The following PALLD variants were observed in gnomAD, a reference collection of about 807,000 sequenced individuals.
PALLD encodes palladin.
PALLD carries 61 observed loss-of-function variants against 123.5 expected under a neutral mutation model. The ratio of observed to expected loss-of-function variants is 0.49; its 90% confidence interval spans 0.40 to 0.61. The LOEUF is 0.61. Ranked by LOEUF, PALLD falls within the 20% of genes least tolerant of loss-of-function variation. The pLI is 0.00. For synonymous variants in PALLD, 465 were observed against 496.4 expected (o/e 0.94, Z 0.84); for missense variants, 1,273 against 1,377.0 (o/e 0.92, Z 1.20).
chr4:168,753,980 A>C (rs375191084), intron 10 of PALLD, among the ~76,000 whole-genome samples: 38 of 152,362 alleles, frequency 2.5e-4, no homozygotes, highest in African/African-American at 8.7e-4. Context: ...CAACAAGTAC[A>C]TACTATGTAA....
At chr4:168,627,346 C>T (rs1297174643) in intron 2 of PALLD, among the ~76,000 whole-genome samples, 19 of 152,108 alleles carry the variant, frequency 1.2e-4, no homozygotes, top group African/African-American at 4.6e-4. Context: ...CCCATTTCTA[C>T]TAAAAATACA....
chr4:168,897,472 G>T (rs112935285), intron 13 of PALLD, among the ~76,000 whole-genome samples: 1,857 of 152,112 alleles, frequency 0.012, 53 homozygotes, highest in African/African-American at 0.043. Flanking sequence ...TTGGAGACAG[G>T]GTCTCACTCT....
In PALLD at chr4:168,518,427, T is replaced by A. The variant is rs75085697; in HGVS notation, c.908+6015T>A. ...GGCTTCTCACTTAGTCCGAGTAAAA[T>A]CCATAGTTCTTATACATCCTAATCA... On this transcript the variant is annotated intron_variant, in intron 2 of 21. Coordinates refer to ENST00000505667, the MANE Select transcript of PALLD (RefSeq NM_001166108.2). Among the ~76,000 whole-genome samples the A allele has an allele frequency of 9.5e-3, 1,454 of 152,286 alleles. 27 individuals carry two copies. Among genetic ancestry groups the A allele is most frequent in the African/African-American group, 0.033 (1,357 of 41,552 alleles).
At chr4:168,919,056 C>G (rs1184126266) in intron 17 of PALLD, among the ~76,000 whole-genome samples, 2 of 152,084 alleles carry the variant, frequency 1.3e-5, no homozygotes, top group Non-Finnish European at 2.9e-5. Context: ...TATATACACA[C>G]TTACCATACT....
At chr4:168,810,906 A>G (rs1471462606) in intron 10 of PALLD, among the ~76,000 whole-genome samples, 1 of 152,156 alleles carries the variant, frequency 6.6e-6, no homozygotes, top group Non-Finnish European at 1.5e-5. Context: ...GGAGTCTGGA[A>G]GGAGTGGGAC....
rs765462391 is a variant in PALLD, at chr4:168,668,192, G to A, written c.911G>A (p.Trp304Ter). ...TTTGACCTCCATTTGGCCTGCAGAT[G>A]GTTCTGTGAAGGGAAAGAACTGCAC... ...VTGNPTPRVR[W>*]FCEGKELHNT... Residue 304 changes from tryptophan (W) to a stop codon, truncating the protein, a stop_gained and splice_region_variant, in exon 3 of 22, where the codon TGG (tryptophan) becomes TAG (stop). Coordinates refer to ENST00000505667, the MANE Select transcript of PALLD (RefSeq NM_001166108.2). LOFTEE classifies it high-confidence loss of function. The A allele has an allele frequency of 8.7e-6, 14 of 1,613,344 alleles. No individual in the cohort carries two copies. In the South Asian group the frequency reaches 1.5e-4, roughly 18 times the overall value.
At chr4:168,771,062 CA>C (rs762596273) in intron 10 of PALLD, among the ~76,000 whole-genome samples, 10 of 55,226 alleles carry the variant, frequency 1.8e-4, no homozygotes, top group Admixed American at 6.9e-4. Flanking sequence ...GACTCCATCT[CA>C]AAAAAAAAAA....
chr4:168,709,379 G>A (rs1243869225), intron 9 of PALLD, among the ~76,000 whole-genome samples: 4 of 151,206 alleles, frequency 2.6e-5, no homozygotes, highest in South Asian at 4.2e-4. Flanking sequence ...GTGTGGTGGT[G>A]CGTGCCTGTA....
chr4:168,911,629 C>T (rs916708578), intron 15 of PALLD, among the ~76,000 whole-genome samples: 4 of 152,150 alleles, frequency 2.6e-5, no homozygotes, highest in Admixed American at 2.6e-4. Context: ...AGATTTTCTA[C>T]AGCAAGTACA....
chr4:168,564,591 A>T (rs1414311710), intron 2 of PALLD, among the ~76,000 whole-genome samples: 1 of 152,208 alleles, frequency 6.6e-6, no homozygotes, highest in Non-Finnish European at 1.5e-5. Flanking sequence ...AATGCCTATT[A>T]AAATTCTTGA....
intron 3 of PALLD, among the ~76,000 whole-genome samples, chr4:168,679,207 ATGTGTGTGGGGTGTGTGTGTGTGG>A: frequency 3.4e-5 from 1 of 29,236 alleles, no homozygotes; most frequent in Non-Finnish European, 6.2e-5. Context: ...GTGAGTATGG[ATGTGTGTGGGGTGTGTGTGTGTGG>A]TGTGTGTGGG....
chr4:168,538,249 G>T (rs10021329), intron 2 of PALLD, among the ~76,000 whole-genome samples: 63,411 of 151,914 alleles, frequency 0.42, 14,337 homozygotes, highest in African/African-American at 0.6. Flanking sequence ...ATAGATCCAG[G>T]GAATTATTCT....
In PALLD at chr4:168,883,948, C is replaced by CAA. The variant is rs35084179; in HGVS notation, c.1965-6964_1965-6963dup. Among the ~76,000 whole-genome samples the CAA allele has an allele frequency of 2.5e-3, 363 of 142,464 alleles. 1 individual carries two copies. The highest frequency in any genetic ancestry group is 7.1e-3 in the Middle Eastern group (2 of 280). 93.5% of individuals were successfully genotyped at this position (142,464 alleles called of 152,430 possible). A position where few individuals can be genotyped will look rare whatever the true frequency, so the allele number is the denominator to read the frequency against. Reference sequence around the variant, plus strand: ...ATTTTTTTTTAATTGTGCAAACCATCAAAAAAAAAAAGGAGATCATGTCTT... The same window carrying CAA: ...ATTTTTTTTTAATTGTGCAAACCATCAAAAAAAAAAAAAGGAGATCATGTCTT... On this transcript the variant is annotated intron_variant, in intron 10 of 21. Transcript: ENST00000505667.
At chr4:168,603,614 A>G (rs1772890114) in intron 2 of PALLD, among the ~76,000 whole-genome samples, 1 of 152,190 alleles carries the variant, frequency 6.6e-6, no homozygotes, top group Non-Finnish European at 1.5e-5. Context: ...TGTTATTTTC[A>G]TAGTAGCCCT....
intron 10 of PALLD, among the ~76,000 whole-genome samples, chr4:168,843,321 G>T (rs1291807539): frequency 6.6e-6 from 1 of 151,878 alleles, no homozygotes; most frequent in Non-Finnish European, 1.5e-5. Flanking sequence ...GGCTCCACCT[G>T]GTCAGCGCTT....
chr4:168,498,482 G>A (rs1561173480), intron 1 of PALLD, among the ~76,000 whole-genome samples: 1 of 152,134 alleles, frequency 6.6e-6, no homozygotes. Flanking sequence ...TCATTATTCA[G>A]GTTTAAAAAT....
At position 168,698,622 on chromosome 4, in the gene PALLD, G is replaced by T. The variant is rs138660625; in HGVS notation, c.1501+7330G>T. On this transcript the variant is annotated intron_variant, in intron 8 of 21. Coordinates refer to ENST00000505667, the MANE Select transcript of PALLD (RefSeq NM_001166108.2). ...TGAGGCCCCACCAGACTGCTCCACC[G>T]AGTGAGCCTTATATTTCCCAGATTC... Among the ~76,000 whole-genome samples the T allele has an allele frequency of 3.2e-3, 483 of 152,086 alleles. 13 individuals are homozygous for T. The highest frequency in any genetic ancestry group is 3.7e-3 in the East Asian group (19 of 5,164).
At chr4:168,863,146 C>A (rs1749743377) in intron 10 of PALLD, among the ~76,000 whole-genome samples, 1 of 152,166 alleles carries the variant, frequency 6.6e-6, no homozygotes, top group South Asian at 2.1e-4. Context: ...GTACATTTGA[C>A]GGGGGATGAT....
At position 168,890,963 on chromosome 4, in the gene PALLD, C is replaced by T. The variant is rs1754074834; in HGVS notation, c.2006C>T (p.Ser669Phe). ...KKASRTARIA[S>F]DEEIQGTKDA... The stretch of plus-strand genomic sequence containing the variant: ...GCCAGTAGAACTGCTAGAATAGCCT[C>T]CGATGAGGAAATTCAAGGCACAAAG... The change falls in exon 11 of 22, where the codon TCC (serine) becomes TTC (phenylalanine). Residue 669 changes from serine (S) to phenylalanine (F), a missense_variant. By Grantham distance (155) the Ser-to-Phe change is radical. Coordinates refer to ENST00000505667, the MANE Select transcript of PALLD (RefSeq NM_001166108.2). 4 of 1,613,996 alleles carry T rather than the reference C, an allele frequency of 2.5e-6. No homozygotes were observed. Among genetic ancestry groups the T allele is most frequent in the Non-Finnish European group, 2.5e-6 (3 of 1,179,906 alleles).
Sources: allele counts gnomAD v4.1 joint callset (sites outside exome capture counted in the v4.1 genomes callset), GRCh38; gene constraint gnomAD v4.1.1; transcripts MANE v1.5; gene names NCBI Gene and HGNC (gene_info 2026-07-23, HGNC 2026-07-21).